The following NUDT6 variants were observed in gnomAD, a reference collection of about 807,000 sequenced individuals.
The protein encoded by NUDT6 is FAD diphosphatase NUDT6.
In NUDT6, 24 loss-of-function variants were observed where a neutral mutation model predicts 36.8. The observed-to-expected ratio is 0.65, with a 90% confidence interval of 0.47 to 0.92. The LOEUF (loss-of-function observed/expected upper bound fraction) is 0.92, where lower values mean the gene tolerates loss of function less well. Ranked by LOEUF, NUDT6 falls within the 40% of genes least tolerant of loss-of-function variation. The probability of loss-of-function intolerance (pLI) is 0.00; values close to 1 mark genes in which losing one functional copy is unlikely to be tolerated. For synonymous variants in NUDT6, 163 were observed against 157.0 expected (o/e 1.04, Z -0.29); for missense variants, 388 against 392.8 (o/e 0.99, Z 0.10).
chr4:122,908,217 T>G (rs1727663408), intron 3 of NUDT6, among the ~76,000 whole-genome samples: 1 of 152,162 alleles, frequency 6.6e-6, no homozygotes, highest in Admixed American at 6.5e-5. Flanking sequence ...ATTATTATGT[T>G]AACATAAGGT....
Position 122,892,798 on chromosome 4 carries a change from C to G in NUDT6, c.*30G>C. 2.0e-6 allele frequency: 3 copies of G among 1,514,264 alleles called. No individual in the cohort carries two copies. The highest frequency in any genetic ancestry group is 1.3e-5 in the South Asian group (1 of 78,774). The allele number at this position is 1,514,264 out of a possible 1,614,324, so 93.8% of individuals were successfully genotyped here. ...ACTATTTCTTATGTCATTCGTTAGT[C>G]TACATGTTTCTAAACATATAAATGT... On this transcript the variant is annotated 3_prime_UTR_variant, in exon 5 of 5. Transcript: ENST00000304430.
At chr4:122,894,593 A>C (rs1316666022) in intron 4 of NUDT6, 1 of 152,104 alleles carries the variant, frequency 6.6e-6, no homozygotes, top group African/African-American at 2.4e-5. Context: ...TCTCAAAAAA[A>C]GAGAAATTTT....
chr4:122,902,093 G>A (rs1727534624), intron 3 of NUDT6, among the ~76,000 whole-genome samples: 1 of 152,102 alleles, frequency 6.6e-6, no homozygotes, highest in Non-Finnish European at 1.5e-5. Flanking sequence ...CAGACCTACT[G>A]TATTTAGATA....
At chr4:122,912,438 T>C in intron 3 of NUDT6, 130 bp downstream of exon 3, 1 of 693,366 alleles carries the variant, frequency 1.4e-6, no homozygotes, top group Non-Finnish European at 2.5e-6. Flanking sequence ...AGGTGATCCA[T>C]AACTGCTTAG....
chr4:122,914,244 A>C (rs1727787390), intron 2 of NUDT6, among the ~76,000 whole-genome samples: 1 of 152,256 alleles, frequency 6.6e-6, no homozygotes, highest in Admixed American at 6.5e-5. Flanking sequence ...AAAACACCAC[A>C]CTTGACTATT....
chr4:122,920,762 T>A (rs1727957992), intron 1 of NUDT6: 1 of 152,206 alleles, frequency 6.6e-6, no homozygotes, highest in Admixed American at 6.5e-5. Flanking sequence ...GATAAAACGA[T>A]TGATTCTCCT....
chr4:122,905,994 G>T (rs568623093), intron 3 of NUDT6, among the ~76,000 whole-genome samples: 3 of 152,164 alleles, frequency 2.0e-5, no homozygotes, highest in Non-Finnish European at 4.4e-5. Flanking sequence ...CAGAAGAAGG[G>T]TGCTGCTTCT....
At chr4:122,919,727 C>T (rs1216722664) in intron 1 of NUDT6, 1 of 152,212 alleles carries the variant, frequency 6.6e-6, no homozygotes, top group Non-Finnish European at 1.5e-5. Flanking sequence ...TCTTTCCTAA[C>T]CACTGCTCAT....
intron 1 of NUDT6, chr4:122,918,427 T>A (rs993345096): frequency 5.9e-5 from 9 of 152,234 alleles, no homozygotes; most frequent in African/African-American, 2.2e-4. Flanking sequence ...TATTATCTCA[T>A]TAAGTGCACA....
Position 122,922,552 on chromosome 4 carries a change from C to G in NUDT6, c.21G>C (p.Trp7Cys), listed in dbSNP as rs1728105400. 6.2e-7 allele frequency: 1 copy of G among 1,601,220 alleles called. No individual in the cohort carries two copies. The highest frequency in any genetic ancestry group is 8.5e-7 in the Non-Finnish European group (1 of 1,176,966). The change falls in exon 1 of 5, where the codon TGG becomes TGC. Residue 7 changes from tryptophan (W) to cysteine (C), a missense_variant. Transcript: ENST00000304430. MRQPLSWGRWRAMLART... is the reference protein window; with the variant it reads MRQPLSCGRWRAMLART... ...GGGCAAGCATCGCGCGCCAGCGGCC[C>G]CAGCTCAGTGGCTGCCGCATCTCCA...
intron 2 of NUDT6, among the ~76,000 whole-genome samples, chr4:122,916,444 T>A (rs1228824666): frequency 2.0e-5 from 3 of 152,208 alleles, no homozygotes; most frequent in Non-Finnish European, 2.9e-5. Flanking sequence ...AAAATTGGTT[T>A]GCTTTACCTG....
intron 2 of NUDT6, 146 bp downstream of exon 2, chr4:122,917,355 T>C (rs1727865479): frequency 1.4e-6 from 1 of 716,316 alleles, no homozygotes; most frequent in African/African-American, 1.7e-5. Flanking sequence ...TTGGAACACA[T>C]CCTGTGCAGA....
At chr4:122,893,568 G>A (rs1347864817) in intron 4 of NUDT6, 1 of 177,510 alleles carries the variant, frequency 5.6e-6, no homozygotes, top group Non-Finnish European at 1.2e-5. Context: ...ATTTTGCATG[G>A]CTGCAGTTCC....
rs1713564191 is a variant in NUDT6 at position 122,897,626 on chromosome 4, A to G, written c.551T>C (p.Ile184Thr). The change falls in exon 4 of 5, where the codon ATT becomes ACT. Residue 184 changes from isoleucine (I) to threonine (T), a missense_variant and splice_region_variant. By Grantham distance (89) the Ile-to-Thr change is moderately conservative. Coordinates refer to ENST00000304430, the MANE Select transcript of NUDT6 (RefSeq NM_007083.5). ...PGGLSEPEED[I>T]GDTAVREVFE... ...TTAAAAATATAAAAGATACACACCA[A>G]TATCTTCTTCAGGCTCTGACAGGCC... The G allele has an allele frequency of 1.9e-5, 30 of 1,596,392 alleles. No homozygotes were observed. Among genetic ancestry groups the G allele is most frequent in the East Asian group, 4.5e-5 (2 of 44,710 alleles).
chr4:122,899,759 C>T (rs1299096272), intron 3 of NUDT6, among the ~76,000 whole-genome samples: 1 of 152,152 alleles, frequency 6.6e-6, no homozygotes, highest in African/African-American at 2.4e-5. Context: ...GAGTTCAAGG[C>T]TGCAGTGAGT....
At chr4:122,908,180 C>T (rs1032217444) in intron 3 of NUDT6, among the ~76,000 whole-genome samples, 1 of 152,038 alleles carries the variant, frequency 6.6e-6, no homozygotes, top group African/African-American at 2.4e-5. Flanking sequence ...ATACCCCTTC[C>T]TTTTTGGAGT....
At chr4:122,922,671 C>T (rs2125713075), upstream of NUDT6, 2 of 1,024,282 alleles carry the variant, frequency 2.0e-6, no homozygotes, top group South Asian at 3.1e-5. Context: ...TCAATACCCT[C>T]AGAGTTGAGC....
rs775441396 is a variant in NUDT6, at chr4:122,922,378, C to G, written c.195G>C (p.Ala65=). 1.9e-6 allele frequency: 3 copies of G among 1,606,544 alleles called. No individual in the cohort carries two copies. The highest frequency in any genetic ancestry group is 2.7e-5 in the African/African-American group (2 of 74,912). Residue 65 remains alanine (A), a synonymous_variant, in exon 1 of 5, where the codon GCG becomes GCC. Transcript: ENST00000304430. ...AGGCGGCAGCGTCCAGGCGGTCCAG[C>G]GCATCGAGCCGCGCCAGGCGCACCG... ...GISVRLARLD[A]LDRLDAAAFQ...
At chr4:122,893,252 CAAT>C (rs1727245494) in intron 4 of NUDT6, 27 bp from the exon 5 acceptor site, 4 of 1,551,420 alleles carry the variant, frequency 2.6e-6, no homozygotes, top group Non-Finnish European at 3.5e-6. Flanking sequence ...ATGTACAAAT[CAAT>C]AATAATTACA....
Sources: allele counts gnomAD v4.1 joint callset (sites outside exome capture counted in the v4.1 genomes callset), GRCh38; gene constraint gnomAD v4.1.1; transcripts MANE v1.5; gene names NCBI Gene and HGNC (gene_info 2026-07-23, HGNC 2026-07-21).